Variants in PPP6R3 observed in about 807,000 individuals in gnomAD.
The protein encoded by PPP6R3 is serine/threonine-protein phosphatase 6 regulatory subunit 3.
PPP6R3 carries 38 observed loss-of-function variants against 110.7 expected under a neutral mutation model. That is an observed-to-expected ratio of 0.34 (90% CI 0.26 to 0.45). The LOEUF is 0.45. PPP6R3 is among the 20% of genes least tolerant of loss of function. PPP6R3 has a pLI of 1.00. For missense variants in PPP6R3, 870 were observed against 1,062.4 expected (o/e 0.82, Z 2.52); for synonymous variants, 369 against 373.5 (o/e 0.99, Z 0.14).
At chr11:68,475,656 A>G (rs1291975942) in intron 1 of PPP6R3, among the ~76,000 whole-genome samples, 2 of 144,748 alleles carry the variant, frequency 1.4e-5, no homozygotes, top group South Asian at 4.5e-4. Flanking sequence ...TCCCTCCCGG[A>G]CGGGGCGGCT....
chr11:68,519,759 C>A, intron 2 of PPP6R3, 108 bp downstream of exon 2: 1 of 394,686 alleles, frequency 2.5e-6, no homozygotes, highest in South Asian at 1.4e-4. Flanking sequence ...GGAGACCAGT[C>A]TCTCTGAGCT....
Position 68,564,344 on chromosome 11 carries a change from A to G in PPP6R3, c.887A>G (p.His296Arg). ...HIEICPPGMS[H>R]SACSVNKSVL... Reference sequence around the variant, plus strand: ...GAGATCTGCCCACCAGGCATGAGCCATTCAGCTTGTTCAGTAAACAAGAGT... The same window carrying G: ...GAGATCTGCCCACCAGGCATGAGCCGTTCAGCTTGTTCAGTAAACAAGAGT... The change falls in exon 9 of 24, where the codon CAT becomes CGT. Residue 296 changes from histidine to arginine, a missense_variant. Coordinates refer to ENST00000393800, the MANE Select transcript of PPP6R3 (RefSeq NM_001164161.2). 6 of 1,613,116 alleles carry G rather than the reference A, an allele frequency of 3.7e-6. No individual in the cohort carries two copies. The highest frequency in any genetic ancestry group is 5.1e-6 in the Non-Finnish European group (6 of 1,179,006).
intron 8 of PPP6R3, among the ~76,000 whole-genome samples, chr11:68,559,756 C>G (rs879909943): frequency 6.6e-6 from 1 of 152,102 alleles, no homozygotes; most frequent in Non-Finnish European, 1.5e-5. Flanking sequence ...CCCAGGGATA[C>G]AGTGCCCTCT....
At position 68,594,821 on chromosome 11, in the gene PPP6R3, A is replaced by G. The variant is rs142230044; in HGVS notation, c.1917-1276A>G. Among the ~76,000 whole-genome samples, 6 of 152,348 alleles carry G rather than the reference A, an allele frequency of 3.9e-5. No homozygotes were observed. The East Asian group carries it at 9.6e-4, about 24-fold the overall frequency. Reference sequence around the variant, plus strand: ...AAAATTGGAGGACAAACACTACCTTATTTTAAAATTCAATAGTTAAAACAG... The same window carrying G: ...AAAATTGGAGGACAAACACTACCTTGTTTTAAAATTCAATAGTTAAAACAG... On this transcript the variant is annotated intron_variant, in intron 18 of 23. Coordinates refer to ENST00000393800, the MANE Select transcript of PPP6R3 (RefSeq NM_001164161.2).
intron 8 of PPP6R3, among the ~76,000 whole-genome samples, chr11:68,562,068 A>G (rs978917543): frequency 1.3e-5 from 2 of 151,782 alleles, no homozygotes; most frequent in African/African-American, 4.8e-5. Flanking sequence ...AAAAAAACGC[A>G]TACTCCTAGA....
At position 68,574,127 on chromosome 11, in the gene PPP6R3, G is replaced by A. The variant is rs1234858015; in HGVS notation, c.1362G>A (p.Arg454=). ...NEKKQAEGGR[R]HGYMGHLTRI... ...TTGTCAGGGCTGAGGGAGGAAGACG[G>A]CATGGTTACATGGGACACCTAACGA... is the stretch of plus-strand genomic sequence containing the variant. The change falls in exon 13 of 24, where the codon CGG becomes CGA. Residue 454 remains arginine (R), a synonymous_variant. Coordinates refer to ENST00000393800, the MANE Select transcript of PPP6R3 (RefSeq NM_001164161.2). 1.2e-6 allele frequency: 2 copies of A among 1,613,854 alleles called. No homozygotes were observed. The highest frequency in any genetic ancestry group is 1.7e-6 in the Non-Finnish European group (2 of 1,179,762).
At chr11:68,486,721 A>C (rs1468485655) in intron 1 of PPP6R3, among the ~76,000 whole-genome samples, 1 of 151,890 alleles carries the variant, frequency 6.6e-6, no homozygotes, top group African/African-American at 2.4e-5. Context: ...CAGTGAACCC[A>C]TGTGCGCCTA....
chr11:68,606,537 A>G (rs1940101666), intron 22 of PPP6R3, among the ~76,000 whole-genome samples: 1 of 151,302 alleles, frequency 6.6e-6, no homozygotes, highest in Non-Finnish European at 1.5e-5. Flanking sequence ...GCTGGTCTCA[A>G]ACTCCTGAGC....
At chr11:68,567,573 T>G (rs1471882330) in intron 10 of PPP6R3, among the ~76,000 whole-genome samples, 1 of 152,232 alleles carries the variant, frequency 6.6e-6, no homozygotes, top group East Asian at 1.9e-4. Flanking sequence ...GATTTGAGTC[T>G]GGATTGACTC....
At chr11:68,591,433 G>A (rs2099595049) in intron 17 of PPP6R3, 143 bp from the exon 18 acceptor site, 1 of 688,374 alleles carries the variant, frequency 1.5e-6, no homozygotes. Context: ...CTAATGTTAG[G>A]TGTTTATATT....
At chr11:68,569,527 C>T (rs1017565018) in intron 10 of PPP6R3, among the ~76,000 whole-genome samples, 4 of 152,178 alleles carry the variant, frequency 2.6e-5, no homozygotes, top group African/African-American at 9.6e-5. Flanking sequence ...GTATTATACT[C>T]ACCTATTTTC....
chr11:68,569,288 C>T (rs1205217022), intron 10 of PPP6R3, among the ~76,000 whole-genome samples: 3 of 152,270 alleles, frequency 2.0e-5, no homozygotes, highest in South Asian at 2.1e-4. Context: ...ATTTAGTCCT[C>T]GTTATTTATG....
intron 22 of PPP6R3, among the ~76,000 whole-genome samples, chr11:68,606,429 T>G (rs1289381355): frequency 1.3e-5 from 2 of 151,506 alleles, no homozygotes; most frequent in East Asian, 3.9e-4. Context: ...CCCAAGTAAC[T>G]GGGACTAGGA....
At position 68,564,247 on chromosome 11, in the gene PPP6R3, C is replaced by A. The variant is rs10501398; in HGVS notation, c.846-56C>A. The A allele has an allele frequency of 6.6e-6, 10 of 1,511,130 alleles. No individual in the cohort carries two copies. In the African/African-American group the frequency reaches 8.4e-5, roughly 13 times the overall value. The allele number at this position is 1,511,130 out of a possible 1,614,324, so 93.6% of individuals were successfully genotyped here. A position where few individuals can be genotyped will look rare whatever the true frequency, so the allele number is the denominator to read the frequency against. ...AAGTAAAGACATACATGGTCGATAACCTTGAATGATTTGTTCTGAAATTAT... is the reference window on the plus strand; with the variant it reads ...AAGTAAAGACATACATGGTCGATAAACTTGAATGATTTGTTCTGAAATTAT... On this transcript the variant is annotated intron_variant, in intron 8 of 23. Coordinates refer to ENST00000393800, the MANE Select transcript of PPP6R3 (RefSeq NM_001164161.2).
At chr11:68,498,188 C>T (rs1448008954) in intron 1 of PPP6R3, among the ~76,000 whole-genome samples, 1 of 151,984 alleles carries the variant, frequency 6.6e-6, no homozygotes, top group African/African-American at 2.4e-5. Flanking sequence ...GAAAAATTAC[C>T]CCAGTTGCTA....
At chr11:68,526,763 G>A (rs1220074914) in intron 2 of PPP6R3, among the ~76,000 whole-genome samples, 11 of 152,134 alleles carry the variant, frequency 7.2e-5, no homozygotes, top group Admixed American at 7.2e-4. Flanking sequence ...AAACTTGTTC[G>A]TAGTAGAAAT....
At chr11:68,564,019 C>G (rs1271441243) in intron 8 of PPP6R3, among the ~76,000 whole-genome samples, 1 of 152,092 alleles carries the variant, frequency 6.6e-6, no homozygotes, top group African/African-American at 2.4e-5. Context: ...CACTTAGAGA[C>G]TTGTTACTGT....
intron 19 of PPP6R3, among the ~76,000 whole-genome samples, chr11:68,598,417 G>T (rs940356869): frequency 2.6e-5 from 4 of 152,208 alleles, no homozygotes; most frequent in Non-Finnish European, 5.9e-5. Context: ...GCGAGGAGGC[G>T]AGCACCCTGG....
intron 1 of PPP6R3, among the ~76,000 whole-genome samples, chr11:68,514,184 C>T (rs558030022): frequency 6.6e-6 from 1 of 152,230 alleles, no homozygotes; most frequent in African/African-American, 2.4e-5. Flanking sequence ...CCTGCCTTAG[C>T]CTGTTGAGTA....
Sources: allele counts gnomAD v4.1 joint callset (sites outside exome capture counted in the v4.1 genomes callset), GRCh38; gene constraint gnomAD v4.1.1; transcripts MANE v1.5; gene names NCBI Gene and HGNC (gene_info 2026-07-23, HGNC 2026-07-21).